The following TASL variants were observed in gnomAD, a reference collection of about 807,000 sequenced individuals.
TASL encodes TLR adaptor interacting with endolysosomal SLC15A4, also known as TLR adapter interacting with SLC15A4 on the lysosome.
In TASL, 6 loss-of-function variants were observed where a neutral mutation model predicts 12.9. That is an observed-to-expected ratio of 0.46 (90% CI 0.25 to 0.92). The LOEUF is 0.92. Ranked by LOEUF, TASL falls within the 40% of genes least tolerant of loss-of-function variation. The pLI is 0.17. For synonymous variants in TASL, 85 were observed against 79.3 expected (o/e 1.07, Z -0.38); for missense variants, 165 against 212.8 (o/e 0.78, Z 1.40).
Position 30,560,055 on chromosome X carries a change from C to A in TASL, c.301G>T (p.Glu101Ter). The change falls in exon 3 of 3, where the codon GAA becomes TAA. Residue 101 changes from glutamate to a stop codon, truncating the protein, a stop_gained. Coordinates refer to ENST00000378962, the MANE Select transcript of TASL (RefSeq NM_025159.3). LOFTEE classifies it high-confidence loss of function. ...VFESPNLAAV[E>*]ICRDASRETY... The stretch of plus-strand genomic sequence containing the variant: ...TCTCTGCTGGCATCTCTACATATTT[C>A]AACTGCAGCCAAGTTTGGGCTTTCA... 1 of 1,211,584 alleles carries A rather than the reference C, an allele frequency of 8.3e-7. No homozygotes were observed. Among genetic ancestry groups the A allele is most frequent in the Non-Finnish European group, 1.1e-6 (1 of 895,393 alleles).
At chrX:30,577,502 T>C (rs1569307164) in intron 1 of TASL, 136 bp downstream of exon 1, 1 of 112,176 alleles carries the variant, frequency 8.9e-6, no homozygotes, top group East Asian at 2.8e-4. Context: ...GTCTCTGATA[T>C]GGTAAGCTAG....
chrX:30,566,430 C>T (rs1007040698), intron 2 of TASL, among the ~76,000 whole-genome samples: 3 of 110,826 alleles, frequency 2.7e-5, no homozygotes, highest in Non-Finnish European at 5.7e-5. Context: ...TCGCTTGAAC[C>T]CAGGAGGTGG....
chrX:30,567,572 A>G (rs1215994004), intron 2 of TASL, among the ~76,000 whole-genome samples: 1 of 111,718 alleles, frequency 9.0e-6, no homozygotes, highest in Non-Finnish European at 1.9e-5. Context: ...AATAAAAATC[A>G]TCCTAGGCAT....
chrX:30,569,009 A>G (rs1601838182), intron 2 of TASL, among the ~76,000 whole-genome samples: 1 of 106,495 alleles, frequency 9.4e-6, no homozygotes, highest in African/African-American at 3.4e-5. Flanking sequence ...TCTGAGAGGG[A>G]GGAGTGGGAG....
intron 2 of TASL, among the ~76,000 whole-genome samples, chrX:30,568,545 T>C (rs976909686): frequency 6.3e-5 from 7 of 111,161 alleles, no homozygotes; most frequent in African/African-American, 2.3e-4. Context: ...GTCAGTGTCA[T>C]GCTCACCTAA....
At chrX:30,567,585 G>A (rs188750623) in intron 2 of TASL, among the ~76,000 whole-genome samples, 1 of 111,380 alleles carries the variant, frequency 9.0e-6, no homozygotes, top group African/African-American at 3.3e-5. Context: ...CTAGGCATTT[G>A]CCTGTGAGTC....
At chrX:30,567,559 A>G (rs1930516905) in intron 2 of TASL, among the ~76,000 whole-genome samples, 1 of 111,750 alleles carries the variant, frequency 8.9e-6, no homozygotes, top group Admixed American at 9.5e-5. Context: ...GTACAGTGAT[A>G]CCAATAAAAA....
intron 2 of TASL, among the ~76,000 whole-genome samples, chrX:30,569,207 G>A (rs1168771250): frequency 4.5e-5 from 5 of 111,027 alleles, no homozygotes; most frequent in Non-Finnish European, 9.4e-5. Flanking sequence ...GGAGGCTGTT[G>A]GATTCATCCC....
At chrX:30,562,832 A>G (rs1378463963) in intron 2 of TASL, among the ~76,000 whole-genome samples, 2 of 107,756 alleles carry the variant, frequency 1.9e-5, no homozygotes, top group African/African-American at 3.4e-5. Context: ...AGGCACATGC[A>G]TGTATTTTTT....
chrX:30,576,438 C>T (rs189808678), intron 2 of TASL, among the ~76,000 whole-genome samples: 125 of 110,573 alleles, frequency 1.1e-3, no homozygotes, highest in African/African-American at 3.8e-3. Context: ...AAAGACAAAG[C>T]GAGAGAGAAA....
intron 2 of TASL, among the ~76,000 whole-genome samples, chrX:30,561,007 G>A (rs1930413368): frequency 9.0e-6 from 1 of 111,605 alleles, no homozygotes; most frequent in Admixed American, 9.5e-5. Flanking sequence ...GAAAATCTGT[G>A]GCAAATTCTA....
intron 2 of TASL, among the ~76,000 whole-genome samples, 176 bp from the exon 3 acceptor site, chrX:30,560,532 A>C (rs898851385): frequency 9.0e-6 from 1 of 111,651 alleles, no homozygotes; most frequent in African/African-American, 3.3e-5. Context: ...TAAGGATATA[A>C]AAATGAAAAG....
At chrX:30,561,462 G>A (rs1184310807) in intron 2 of TASL, among the ~76,000 whole-genome samples, 3 of 111,626 alleles carry the variant, frequency 2.7e-5, no homozygotes, top group African/African-American at 9.8e-5. Context: ...GGGGCAAAAG[G>A]CAACAGCAAG....
chrX:30,563,346 C>G lies in TASL; in HGVS notation c.-1-2990G>C, dbSNP rs1487345683. 2.7e-5 allele frequency among the ~76,000 whole-genome samples: 3 copies of G among 112,037 alleles called. No homozygotes were observed. The Admixed American group carries it at 2.8e-4, about 11-fold the overall frequency. On this transcript the variant is annotated intron_variant, in intron 2 of 2. Coordinates refer to ENST00000378962, the MANE Select transcript of TASL (RefSeq NM_025159.3). Reference sequence around the variant, plus strand: ...CCCTGCAGAACTGAGTCAATTAAACCTCTTTCCTTTATAAATTACCCAGTC... The same window carrying G: ...CCCTGCAGAACTGAGTCAATTAAACGTCTTTCCTTTATAAATTACCCAGTC...
At chrX:30,574,683 G>C (rs1260028109) in intron 2 of TASL, among the ~76,000 whole-genome samples, 2 of 111,826 alleles carry the variant, frequency 1.8e-5, no homozygotes, top group Admixed American at 1.9e-4. Flanking sequence ...AGCTAGCAGG[G>C]GTACAGTTTG....
chrX:30,570,737 C>A (rs1169449793), intron 2 of TASL, among the ~76,000 whole-genome samples: 1 of 112,009 alleles, frequency 8.9e-6, no homozygotes, highest in African/African-American at 3.2e-5. Context: ...ACTAAGGAGG[C>A]TTTTAAAAGA....
chrX:30,565,477 T>C (rs1005845978), intron 2 of TASL, among the ~76,000 whole-genome samples: 2 of 111,755 alleles, frequency 1.8e-5, no homozygotes, highest in Admixed American at 1.9e-4. Flanking sequence ...TGGGGATAAA[T>C]TAGAAAAAGC....
chrX:30,573,549 T>C (rs1930661354), intron 2 of TASL, among the ~76,000 whole-genome samples: 2 of 112,106 alleles, frequency 1.8e-5, no homozygotes, highest in Non-Finnish European at 3.8e-5. Flanking sequence ...CATATGAACA[T>C]TTTCCTAAAC....
intron 2 of TASL, among the ~76,000 whole-genome samples, chrX:30,572,436 A>C (rs1930641846): frequency 8.9e-6 from 1 of 112,313 alleles, no homozygotes; most frequent in Non-Finnish European, 1.9e-5. Context: ...CATCTATCTA[A>C]TTAACATATA....
Sources: allele counts gnomAD v4.1 joint callset (sites outside exome capture counted in the v4.1 genomes callset), GRCh38; gene constraint gnomAD v4.1.1; transcripts MANE v1.5; gene names NCBI Gene and HGNC (gene_info 2026-07-23, HGNC 2026-07-21).